The following TJP1 variants were observed in gnomAD, a reference collection of about 807,000 sequenced individuals.
TJP1 encodes tight junction protein 1.
A neutral mutation model predicts 194.2 loss-of-function variants in TJP1; 43 were observed. The ratio of observed to expected loss-of-function variants is 0.22; its 90% CI spans 0.17 to 0.29. The LOEUF (loss-of-function observed/expected upper bound fraction) is 0.29. TJP1 is among the 10% of genes least tolerant of loss of function. TJP1 has a pLI of 1.00. For missense variants in TJP1, 1,971 were observed against 2,185.7 expected, an observed-to-expected ratio of 0.90 and a Z score of 1.96; for synonymous variants, 801 against 779.0, an observed-to-expected ratio of 1.03 and a Z score of -0.47.
chr15:29,968,460 G>A, intron 1 of TJP1: 23 of 962,386 alleles, frequency 2.4e-5, no homozygotes, highest in Non-Finnish European at 2.8e-5. Context: ...ACCAGTCAGC[G>A]GGCACGCGGT....
At chr15:29,807,855 GA>G (rs1214060632) in intron 1 of TJP1, among the ~76,000 whole-genome samples, 6 of 151,886 alleles carry the variant, frequency 4.0e-5, no homozygotes, top group African/African-American at 1.2e-4. Flanking sequence ...TACGTACTCA[GA>G]AAAAAAACTT....
intron 1 of TJP1, among the ~76,000 whole-genome samples, chr15:29,817,213 CAACA>C (rs910633984): frequency 2.6e-5 from 4 of 152,006 alleles, no homozygotes; most frequent in Non-Finnish European, 5.9e-5. Flanking sequence ...TTTATGCGGC[CAACA>C]AACATATGAA....
chr15:29,832,135 G>A lies in TJP1; in HGVS notation c.307-31433C>T, dbSNP rs188789425. On this transcript the variant is annotated intron_variant, in intron 2 of 28. Coordinates refer to the TJP1 transcript ENST00000356107. ...GTCTTTTCTTCCATCCCTTGAATCT[G>A]GTCAGCAGTGAGAACTGCTTTAGTT... is the stretch of plus-strand genomic sequence containing the variant. Among the ~76,000 whole-genome samples, 144 of 152,168 alleles carry A rather than the reference G, an allele frequency of 9.5e-4. 2 individuals carry two copies. The highest frequency in any genetic ancestry group is 2.5e-4 in the Non-Finnish European group (17 of 68,002).
intron 2 of TJP1, among the ~76,000 whole-genome samples, chr15:29,900,716 C>T (rs934166723): frequency 3.3e-5 from 5 of 152,198 alleles, no homozygotes; most frequent in African/African-American, 9.6e-5. Context: ...GCCCAGTGTA[C>T]GGCACATGGG....
intron 1 of TJP1, among the ~76,000 whole-genome samples, chr15:29,820,157 G>A (rs929432500): frequency 6.9e-6 from 1 of 143,986 alleles, no homozygotes; most frequent in Non-Finnish European, 1.5e-5. Flanking sequence ...AATTAATGTT[G>A]CCTTTTTTTT....
rs77277341 is a variant in TJP1, at chr15:29,935,512, G to C, written c.306+20720C>G. Among the ~76,000 whole-genome samples the C allele has an allele frequency of 2.9e-3, 449 of 152,236 alleles. 2 individuals carry two copies. Among genetic ancestry groups the C allele is most frequent in the African/African-American group, 0.01 (436 of 41,534 alleles). On this transcript the variant is annotated intron_variant, in intron 2 of 28. Coordinates refer to the TJP1 transcript ENST00000356107. ...GGAATTGCTGAAGACTCTCATGCCTGCTTCACCACCTATGGTCATTACAAA... is the reference window on the plus strand; with the variant it reads ...GGAATTGCTGAAGACTCTCATGCCTCCTTCACCACCTATGGTCATTACAAA...
chr15:29,757,221 C>T (rs1006205531), intron 8 of TJP1, among the ~76,000 whole-genome samples: 2 of 152,160 alleles, frequency 1.3e-5, no homozygotes, highest in Non-Finnish European at 2.9e-5. Context: ...TTATTATTCT[C>T]AGCAGATAAT....
intron 2 of TJP1, among the ~76,000 whole-genome samples, chr15:29,786,194 G>T (rs2047688768): frequency 6.6e-6 from 1 of 152,142 alleles, no homozygotes; most frequent in Non-Finnish European, 1.5e-5. Flanking sequence ...GTCAAATTGT[G>T]TGTGTCTTCC....
intron 2 of TJP1, among the ~76,000 whole-genome samples, chr15:29,951,701 G>C (rs184572785): frequency 6.6e-6 from 1 of 152,134 alleles, no homozygotes; most frequent in Admixed American, 6.5e-5. Flanking sequence ...GATTATCAGT[G>C]ATGACTGAAT....
intron 1 of TJP1, among the ~76,000 whole-genome samples, chr15:29,820,178 C>A (rs1394904777): frequency 6.9e-6 from 1 of 144,338 alleles, no homozygotes; most frequent in Non-Finnish European, 1.5e-5. Context: ...TTTTTTTTTC[C>A]AAACTGAAAG....
At chr15:29,856,469 T>A (rs548732671) in intron 2 of TJP1, among the ~76,000 whole-genome samples, 1 of 152,172 alleles carries the variant, frequency 6.6e-6, no homozygotes, top group Non-Finnish European at 1.5e-5. Flanking sequence ...GAGTGACTGC[T>A]AATGGGTATG....
chr15:29,952,614 T>C (rs1452214837), intron 2 of TJP1, among the ~76,000 whole-genome samples: 2 of 152,128 alleles, frequency 1.3e-5, no homozygotes, highest in Non-Finnish European at 2.9e-5. Flanking sequence ...AGTTGTATTT[T>C]TCCTTAGACA....
chr15:29,828,422 T>G (rs1326203875), intron 2 of TJP1, among the ~76,000 whole-genome samples: 1 of 152,110 alleles, frequency 6.6e-6, no homozygotes, highest in Non-Finnish European at 1.5e-5. Flanking sequence ...TATATCTTTT[T>G]GTATACATGT....
intron 27 of TJP1, among the ~76,000 whole-genome samples, chr15:29,702,622 A>G (rs986870908): frequency 6.6e-6 from 1 of 152,194 alleles, no homozygotes; most frequent in Non-Finnish European, 1.5e-5. Flanking sequence ...GGAGGGCCCT[A>G]CAACAATCAT....
chr15:29,828,847 C>A (rs573046274), intron 2 of TJP1, among the ~76,000 whole-genome samples: 199 of 152,040 alleles, frequency 1.3e-3, no homozygotes, highest in African/African-American at 4.7e-3. Flanking sequence ...GATTCTCCTG[C>A]CTCAGCCTCC....
chr15:29,734,791 T>C (rs1042410613), intron 11 of TJP1, among the ~76,000 whole-genome samples: 2 of 151,946 alleles, frequency 1.3e-5, no homozygotes, highest in African/African-American at 4.8e-5. Flanking sequence ...CGGCCGAAAA[T>C]ATCACATCTT....
intron 2 of TJP1, among the ~76,000 whole-genome samples, chr15:29,836,125 A>G (rs2051019834): frequency 6.6e-6 from 1 of 152,174 alleles, no homozygotes; most frequent in Non-Finnish European, 1.5e-5. Flanking sequence ...TGGTGTCAGG[A>G]GGAGGAAGTA....
intron 2 of TJP1, among the ~76,000 whole-genome samples, chr15:29,845,639 C>A (rs1334268081): frequency 1.3e-5 from 2 of 152,006 alleles, no homozygotes; most frequent in Non-Finnish European, 2.9e-5. Context: ...CCCATCTCTA[C>A]TGAAAAAAAA....
intron 1 of TJP1, among the ~76,000 whole-genome samples, chr15:29,805,497 C>T (rs2049050852): frequency 6.6e-6 from 1 of 152,194 alleles, no homozygotes. Flanking sequence ...TTTTACTAAC[C>T]TTATGGCTGT....
Sources: gnomAD v4.1 joint callset for allele counts (sites outside exome capture counted in the v4.1 genomes callset) on GRCh38, gnomAD v4.1.1 for gene constraint, MANE v1.5 for transcripts, NCBI Gene and HGNC (gene_info 2026-07-23, HGNC 2026-07-21) for gene names.